Variants in FBN1 observed in about 807,000 individuals in gnomAD.
FBN1 encodes the protein fibrillin 1.
FBN1 carries 29 observed loss-of-function variants against 365.1 expected under a neutral mutation model. The ratio of observed to expected loss-of-function variants is 0.08; its 90% CI spans 0.06 to 0.11. The LOEUF (loss-of-function observed/expected upper bound fraction) is 0.11, where lower values mean the gene tolerates loss of function less well. FBN1 is among the 10% of genes least tolerant of loss of function. The pLI is 1.00. For synonymous variants in FBN1, 1,210 were observed against 1,270.5 expected (o/e 0.95, Z 1.01); for missense variants, 2,476 against 3,703.2 (o/e 0.67, Z 8.60).
chr15:48,425,522 C>T (rs1005051367), intron 59 of FBN1, 31 bp from the exon 60 acceptor site: 3 of 1,613,690 alleles, frequency 1.9e-6, no homozygotes, highest in Admixed American at 3.3e-5. Context: ...CGTGACTGTG[C>T]ATCTAAAAAT....
intron 2 of FBN1, among the ~76,000 whole-genome samples, chr15:48,625,021 T>C (rs1889848367): frequency 6.6e-6 from 1 of 152,110 alleles, no homozygotes; most frequent in Non-Finnish European, 1.5e-5. Flanking sequence ...GACAGGAAAA[T>C]CAGCCAATGG....
chr15:48,531,499 A>G lies in FBN1; in HGVS notation c.862+2581T>C, dbSNP rs117844832. 2.1e-4 allele frequency among the ~76,000 whole-genome samples: 32 copies of G among 152,308 alleles called. No homozygotes were observed. In the East Asian group the frequency reaches 5.4e-3, roughly 26 times the overall value. ...CAAGTCTAAAGGAAGCTACCTTTAA[A>G]AAGCCACTCAAAGCAATGGCAAAGG... On this transcript the variant is annotated intron_variant, in intron 8 of 65. Coordinates refer to ENST00000316623, the MANE Select transcript of FBN1 (RefSeq NM_000138.5).
intron 6 of FBN1, among the ~76,000 whole-genome samples, chr15:48,559,458 C>A (rs967032292): frequency 1.3e-5 from 2 of 152,090 alleles, no homozygotes; most frequent in Non-Finnish European, 2.9e-5. Flanking sequence ...AGTAAAAGGC[C>A]TGCGGAGGAC....
chr15:48,502,970 T>C (rs1160162439), intron 17 of FBN1, among the ~76,000 whole-genome samples: 1 of 151,974 alleles, frequency 6.6e-6, no homozygotes, highest in Non-Finnish European at 1.5e-5. Flanking sequence ...TGGAGAAAAA[T>C]AGTTTTTTCT....
chr15:48,620,964 G>C (rs1183114278), intron 2 of FBN1, among the ~76,000 whole-genome samples: 3 of 152,152 alleles, frequency 2.0e-5, no homozygotes, highest in African/African-American at 7.2e-5. Flanking sequence ...CACACTGAGG[G>C]GAGCATGGCA....
intron 2 of FBN1, among the ~76,000 whole-genome samples, chr15:48,623,615 G>A (rs912583351): frequency 3.3e-5 from 5 of 152,216 alleles, no homozygotes; most frequent in African/African-American, 9.6e-5. Flanking sequence ...GCAGATTGCT[G>A]CAACTGATCA....
At chr15:48,526,049 C>G (rs1055168222) in intron 9 of FBN1, 81 bp downstream of exon 9, 6 of 1,554,504 alleles carry the variant, frequency 3.9e-6, no homozygotes, top group Non-Finnish European at 5.3e-6. Flanking sequence ...TATATGTGCT[C>G]CTTAACAAGC....
intron 6 of FBN1, among the ~76,000 whole-genome samples, chr15:48,550,568 A>G (rs2044133561): frequency 6.6e-6 from 1 of 152,110 alleles, no homozygotes; most frequent in African/African-American, 2.4e-5. Context: ...AACTTCAGTT[A>G]GACCCTAAAA....
chr15:48,428,071 A>T, intron 57 of FBN1: 1 of 642,536 alleles, frequency 1.6e-6, no homozygotes, highest in Non-Finnish European at 2.8e-6. Context: ...GCAGAGAAAC[A>T]TACGGAAGTG....
chr15:48,410,840 G>T lies in FBN1; in HGVS notation c.*150C>A. On this transcript the variant is annotated 3_prime_UTR_variant, in exon 66 of 66. Coordinates refer to ENST00000316623, the MANE Select transcript of FBN1 (RefSeq NM_000138.5). The stretch of plus-strand genomic sequence containing the variant: ...GAACTAGGGTAGTCACCTGTACCTT[G>T]CTTTGGTAATACAAAGAATAGTGCT... The T allele has an allele frequency of 1.3e-6, 1 of 783,252 alleles. No homozygotes were observed. The highest frequency in any genetic ancestry group is 2.0e-6 in the Non-Finnish European group (1 of 496,514). 48.5% of individuals were successfully genotyped at this position (783,252 alleles called of 1,614,324 possible). A position where few individuals can be genotyped will look rare whatever the true frequency, so the allele number is the denominator to read the frequency against.
At chr15:48,454,429 T>C (rs2043224115) in intron 44 of FBN1, among the ~76,000 whole-genome samples, 1 of 150,198 alleles carries the variant, frequency 6.7e-6, no homozygotes, top group Admixed American at 6.6e-5. Context: ...GCTTAGGGGG[T>C]TGTCTGTCTA....
chr15:48,534,233 A>T, intron 7 of FBN1, 28 bp from the exon 8 acceptor site: 2 of 1,597,520 alleles, frequency 1.3e-6, no homozygotes, highest in Non-Finnish European at 1.7e-6. Context: ...ACAGAGAGAA[A>T]AAAAAAAAAC....
At chr15:48,585,380 G>A (rs1459100104) in intron 6 of FBN1, among the ~76,000 whole-genome samples, 1 of 152,128 alleles carries the variant, frequency 6.6e-6, no homozygotes, top group Non-Finnish European at 1.5e-5. Context: ...ATCACCGAGG[G>A]AATATGGCAG....
At chr15:48,433,028 A>C (rs765599458) in intron 54 of FBN1, 40 bp from the exon 55 acceptor site, 3 of 1,610,954 alleles carry the variant, frequency 1.9e-6, no homozygotes, top group Non-Finnish European at 2.5e-6. Flanking sequence ...GATCATGGAC[A>C]GCAACAAAAG....
chr15:48,520,160 TG>T (rs1262786812), intron 10 of FBN1, among the ~76,000 whole-genome samples: 1 of 151,762 alleles, frequency 6.6e-6, no homozygotes, highest in African/African-American at 2.4e-5. Context: ...AGGAGACTAC[TG>T]GAACAGTCCA....
chr15:48,520,570 G>T, intron 10 of FBN1, 89 bp downstream of exon 10: 2 of 1,492,654 alleles, frequency 1.3e-6, no homozygotes, highest in Non-Finnish European at 1.8e-6. Flanking sequence ...ATTTACCCAA[G>T]TTTCCATTAC....
chr15:48,474,559 G>T lies in FBN1; in HGVS notation c.4056C>A (p.Pro1352=), dbSNP rs766969494. The T allele has an allele frequency of 1.2e-6, 2 of 1,614,084 alleles. No individual in the cohort carries two copies. Among genetic ancestry groups the T allele is most frequent in the Non-Finnish European group, 1.7e-6 (2 of 1,179,998 alleles). ...TAGSFKCSCS[P]GWIGDGIKCT... ...ACTTAATGCCATCTCCAATCCACCC[G>T]GGACTGCAGCTACATTTGAAGCTTC... Residue 1352 remains proline, a synonymous_variant, in exon 33 of 66, where the codon CCC becomes CCA. Transcript: ENST00000316623.
Position 48,432,856 on chromosome 15 carries a change from G to A in FBN1, c.6739+10C>T, listed in dbSNP as rs1179540326. 16 of 1,613,054 alleles carry A rather than the reference G, an allele frequency of 9.9e-6. No homozygotes were observed. The highest frequency in any genetic ancestry group is 4.5e-5 in the East Asian group (2 of 44,870). On this transcript the variant is annotated intron_variant, in intron 55 of 65. Transcript: ENST00000316623. ...TCCTGGCTTAGATGACCTTGAACAC[G>A]ATGACTCACCTTTGCACATCCTACG...
At position 48,434,653 on chromosome 15, in the gene FBN1, C is replaced by A. The variant is rs768060919; in HGVS notation, c.6557G>T (p.Gly2186Val). 1 of 1,613,742 alleles carries A rather than the reference C, an allele frequency of 6.2e-7. No individual in the cohort carries two copies. Residue 2186 changes from glycine to valine, a missense_variant, in exon 54 of 66, where the codon GGA becomes GTA. Transcript: ENST00000316623. ...CTCCTCGCAGGTGCATTCAAAACCTCCAATCACATTCTTGCAGGTTCCATT... is the reference window on the plus strand; with the variant it reads ...CTCCTCGCAGGTGCATTCAAAACCTACAATCACATTCTTGCAGGTTCCATT... ...CGNGTCKNVI[G>V]GFECTCEEGF...
Sources: allele counts gnomAD v4.1 joint callset (sites outside exome capture counted in the v4.1 genomes callset), GRCh38; gene constraint gnomAD v4.1.1; transcripts MANE v1.5; gene names NCBI Gene and HGNC (gene_info 2026-07-23, HGNC 2026-07-21).